Variants in ERC2 observed in about 807,000 individuals in gnomAD.
ERC2 encodes ELKS/RAB6-interacting/CAST family member 2, also known as ERC protein 2.
ERC2 carries 42 observed loss-of-function variants against 114.8 expected under a neutral mutation model. The observed-to-expected ratio is 0.37, with a 90% CI of 0.29 to 0.47. The LOEUF (loss-of-function observed/expected upper bound fraction) is 0.47, where lower values mean the gene tolerates loss of function less well. Among genes scored for constraint, ERC2 ranks in the 20% least tolerant of loss-of-function variants. ERC2 has a pLI of 0.99. For missense variants in ERC2, 939 were observed against 1,150.7 expected, an observed-to-expected ratio of 0.82 and a Z score of 2.66; for synonymous variants, 454 against 425.5, an observed-to-expected ratio of 1.07 and a Z score of -0.82.
At chr3:55,817,021 G>A (rs1242665993) in intron 14 of ERC2, among the ~76,000 whole-genome samples, 1 of 152,194 alleles carries the variant, frequency 6.6e-6, no homozygotes, top group African/African-American at 2.4e-5. Context: ...GCTCCACTGA[G>A]CACACGATGC....
In ERC2 at chr3:56,468,296, C is replaced by T. The variant is rs2063649998; in HGVS notation, c.-189G>A. 1 of 152,250 alleles carries T rather than the reference C, an allele frequency of 6.6e-6. No individual in the cohort carries two copies. Among genetic ancestry groups the T allele is most frequent in the Non-Finnish European group, 1.5e-5 (1 of 68,122 alleles). The allele number at this position is 152,250 out of a possible 1,614,324, so 9.4% of individuals were successfully genotyped here. On this transcript the variant is annotated 5_prime_UTR_variant, in exon 1 of 18. Coordinates refer to ENST00000288221, the MANE Select transcript of ERC2 (RefSeq NM_015576.3). ...CGTCCCACATGGATTTTTACAACCT[C>T]TCGTCGCCTTGGCCCCGGGCGGCCA...
chr3:55,707,255 G>A (rs2063540570), intron 15 of ERC2, among the ~76,000 whole-genome samples: 1 of 152,098 alleles, frequency 6.6e-6, no homozygotes, highest in Non-Finnish European at 1.5e-5. Flanking sequence ...GCAACATAGT[G>A]AAACCCCACG....
chr3:56,002,022 T>A (rs2072109186), intron 10 of ERC2, among the ~76,000 whole-genome samples: 1 of 152,184 alleles, frequency 6.6e-6, no homozygotes, highest in Admixed American at 6.6e-5. Flanking sequence ...TTAAGCTGAT[T>A]ATTTTTTGCT....
chr3:55,805,380 T>C (rs2059448804), intron 14 of ERC2, among the ~76,000 whole-genome samples: 2 of 151,948 alleles, frequency 1.3e-5, no homozygotes, highest in South Asian at 4.2e-4. Flanking sequence ...TCAATAAATA[T>C]TAGTTGAGTA....
intron 1 of ERC2, among the ~76,000 whole-genome samples, chr3:56,457,368 T>C (rs1041702924): frequency 9.2e-5 from 14 of 152,292 alleles, no homozygotes; most frequent in East Asian, 5.8e-4. Context: ...TTGTGTTTGG[T>C]CAATGAATCA....
chr3:55,873,350 C>T (rs938631252), intron 14 of ERC2, among the ~76,000 whole-genome samples: 1 of 152,186 alleles, frequency 6.6e-6, no homozygotes, highest in Non-Finnish European at 1.5e-5. Flanking sequence ...CCCACCTTTG[C>T]TGTATGACCT....
chr3:56,080,727 A>C, intron 7 of ERC2, 90 bp downstream of exon 7: 1 of 1,309,636 alleles, frequency 7.6e-7, no homozygotes, highest in Non-Finnish European at 1.1e-6. Context: ...GATTCGTAAA[A>C]GATCACTTAT....
intron 15 of ERC2, among the ~76,000 whole-genome samples, chr3:55,706,424 G>A (rs1346809261): frequency 4.0e-5 from 6 of 151,894 alleles, no homozygotes; most frequent in Non-Finnish European, 7.4e-5. Context: ...TTGAGACAGA[G>A]TCTTGCCTGT....
At chr3:55,875,096 A>G (rs80135236) in intron 14 of ERC2, among the ~76,000 whole-genome samples, 1,736 of 152,198 alleles carry the variant, frequency 0.011, 26 homozygotes, top group Non-Finnish European at 0.012. Flanking sequence ...TGACCAGGAG[A>G]GGGGAAGCAG....
intron 17 of ERC2, among the ~76,000 whole-genome samples, chr3:55,576,734 C>A (rs2057001682): frequency 6.6e-6 from 1 of 152,260 alleles, no homozygotes; most frequent in Non-Finnish European, 1.5e-5. Context: ...ATGGCCTGGG[C>A]TGACGGCCCC....
chr3:56,333,698 A>T (rs1005677246), intron 2 of ERC2, among the ~76,000 whole-genome samples: 5 of 150,286 alleles, frequency 3.3e-5, no homozygotes, highest in Non-Finnish European at 5.9e-5. Context: ...CCAAATGAAC[A>T]TTTTTTTTTT....
intron 13 of ERC2, 29 bp from the exon 14 acceptor site, chr3:55,888,578 A>T: frequency 6.2e-7 from 1 of 1,609,246 alleles, no homozygotes; most frequent in South Asian, 1.1e-5. Flanking sequence ...TCTGTGTGTT[A>T]TTTCTCCTTC....
chr3:56,338,553 T>A (rs1406303426), intron 2 of ERC2, among the ~76,000 whole-genome samples: 1 of 152,214 alleles, frequency 6.6e-6, no homozygotes, highest in South Asian at 2.1e-4. Context: ...CAAGGGATAC[T>A]CCCAGGGTCA....
At chr3:56,040,629 TATATATACATATA>T (rs2075111935) in intron 7 of ERC2, among the ~76,000 whole-genome samples, 1 of 133,910 alleles carries the variant, frequency 7.5e-6, no homozygotes, top group Non-Finnish European at 1.6e-5. Flanking sequence ...GATGTATATG[TATATATACATATA>T]TAGATGTATA....
chr3:56,310,204 A>G (rs2150391233), intron 2 of ERC2, among the ~76,000 whole-genome samples: 1 of 152,342 alleles, frequency 6.6e-6, no homozygotes, highest in East Asian at 1.9e-4. Context: ...CAGGTTACAA[A>G]AAAAACTACA....
At chr3:56,239,957 A>G (rs997648187) in intron 3 of ERC2, among the ~76,000 whole-genome samples, 7 of 152,262 alleles carry the variant, frequency 4.6e-5, no homozygotes, top group African/African-American at 1.7e-4. Flanking sequence ...TTCATAGTCC[A>G]TTTTAATTGA....
At chr3:56,395,793 T>C (rs549753015) in intron 2 of ERC2, among the ~76,000 whole-genome samples, 2 of 152,304 alleles carry the variant, frequency 1.3e-5, no homozygotes, top group African/African-American at 4.8e-5. Context: ...AAGAACGGCC[T>C]CAGACAAAAT....
rs1433443306 is a variant in ERC2 at position 56,138,397 on chromosome 3, A to G, written c.1473+1112T>C. ...TTTTTAAATGTGAAATATCTACATC[A>G]TTGAGACCAAGGTGATTGTTTCGAA... On this transcript the variant is annotated intron_variant, in intron 6 of 17. Coordinates refer to ENST00000288221, the MANE Select transcript of ERC2 (RefSeq NM_015576.3). 2.0e-5 allele frequency among the ~76,000 whole-genome samples: 3 copies of G among 152,320 alleles called. No individual in the cohort carries two copies. In the East Asian group the frequency reaches 5.8e-4, roughly 29 times the overall value.
At chr3:56,462,022 T>C (rs2063339044) in intron 1 of ERC2, among the ~76,000 whole-genome samples, 1 of 152,304 alleles carries the variant, frequency 6.6e-6, no homozygotes, top group South Asian at 2.1e-4. Flanking sequence ...CAGAATCTAA[T>C]GTACCACTGC....
Sources: allele counts gnomAD v4.1 joint callset (sites outside exome capture counted in the v4.1 genomes callset), GRCh38; gene constraint gnomAD v4.1.1; transcripts MANE v1.5; gene names NCBI Gene and HGNC (gene_info 2026-07-23, HGNC 2026-07-21).